Variants in MAP4K3 observed in about 807,000 individuals in gnomAD.
MAP4K3 encodes MAPK/ERK kinase kinase kinase 3.
A neutral mutation model predicts 143.5 loss-of-function variants in MAP4K3; 94 were observed. The ratio of observed to expected loss-of-function variants is 0.65; its 90% CI spans 0.55 to 0.78. The LOEUF is 0.78. Ranked by LOEUF, MAP4K3 falls within the 30% of genes least tolerant of loss-of-function variation. The pLI is 0.00. For missense variants in MAP4K3, 1,077 were observed against 1,068.1 expected (o/e 1.01, Z -0.12); for synonymous variants, 416 against 347.2 (o/e 1.20, Z -2.20).
intron 4 of MAP4K3, among the ~76,000 whole-genome samples, chr2:39,341,844 C>A (rs1199995869): frequency 6.6e-6 from 1 of 152,066 alleles, no homozygotes; most frequent in Non-Finnish European, 1.5e-5. Context: ...TTCATTTTCA[C>A]TGAATCTTTG....
At chr2:39,344,776 A>T (rs1445305131) in intron 3 of MAP4K3, among the ~76,000 whole-genome samples, 2 of 152,312 alleles carry the variant, frequency 1.3e-5, no homozygotes, top group African/African-American at 4.8e-5. Flanking sequence ...TAAAGTAGAA[A>T]TTTACCAGGG....
rs927126375 is a variant in MAP4K3, at chr2:39,262,963, G to A, written c.2137-2186C>T. Among the ~76,000 whole-genome samples the A allele has an allele frequency of 2.0e-5, 3 of 151,596 alleles. No homozygotes were observed. The South Asian group carries it at 6.3e-4, about 32-fold the overall frequency. ...CTACTAAAAATACAAAAATTAGCTG[G>A]GTGTCTGTAATCCCAGCTACTCGGG... On this transcript the variant is annotated intron_variant, in intron 28 of 33. Transcript: ENST00000263881.
At chr2:39,256,346 C>T (rs2148434142) in intron 31 of MAP4K3, among the ~76,000 whole-genome samples, 1 of 152,176 alleles carries the variant, frequency 6.6e-6, no homozygotes, top group East Asian at 1.9e-4. Context: ...TTATTTAGTT[C>T]TCCACTTTAA....
Position 39,348,848 on chromosome 2 carries a change from T to C in MAP4K3, c.246-5396A>G, listed in dbSNP as rs192530306. 4.1e-4 allele frequency among the ~76,000 whole-genome samples: 63 copies of C among 152,294 alleles called. 2 individuals are homozygous for C. The highest frequency in any genetic ancestry group is 2.7e-3 in the South Asian group (13 of 4,830). ...AGCTATTTTATGGTTCTGAAATTCT[T>C]ATAATTCCTAAAACACACTTTTTAA... On this transcript the variant is annotated intron_variant, in intron 3 of 33. Transcript: ENST00000263881.
intron 6 of MAP4K3, among the ~76,000 whole-genome samples, chr2:39,334,611 T>G (rs946920258): frequency 6.6e-6 from 1 of 152,146 alleles, no homozygotes; most frequent in African/African-American, 2.4e-5. Context: ...AAGACTTCTG[T>G]CAGAGGCTTC....
intron 21 of MAP4K3, among the ~76,000 whole-genome samples, chr2:39,284,927 G>A (rs771474894): frequency 1.3e-4 from 20 of 151,914 alleles, no homozygotes; most frequent in Non-Finnish European, 2.6e-4. Flanking sequence ...GTCTTGCTCT[G>A]TCACCCAGGC....
chr2:39,251,146 G>A (rs1192942837), intron 33 of MAP4K3, among the ~76,000 whole-genome samples: 1 of 152,198 alleles, frequency 6.6e-6, no homozygotes, highest in East Asian at 1.9e-4. Flanking sequence ...AAGAGTTGTA[G>A]TGGCCGTGTG....
intron 6 of MAP4K3, 31 bp from the exon 7 acceptor site, chr2:39,333,605 G>C: frequency 7.6e-7 from 1 of 1,312,752 alleles, no homozygotes; most frequent in Non-Finnish European, 1.1e-6. Context: ...AGTTAGAGTA[G>C]GAAATAGATA....
At chr2:39,251,653 G>C (rs1260007827) in intron 33 of MAP4K3, among the ~76,000 whole-genome samples, 177 bp downstream of exon 33, 8 of 152,154 alleles carry the variant, frequency 5.3e-5, no homozygotes, top group Admixed American at 4.6e-4. Context: ...CCTGTTACTT[G>C]GAAGATCAGG....
chr2:39,423,146 G>A (rs1664939841), intron 1 of MAP4K3, among the ~76,000 whole-genome samples: 1 of 152,082 alleles, frequency 6.6e-6, no homozygotes, highest in South Asian at 2.1e-4. Flanking sequence ...AATATATACA[G>A]ATAGCAAATA....
intron 12 of MAP4K3, 111 bp downstream of exon 12, chr2:39,325,407 T>C (rs1228361791): frequency 1.7e-6 from 1 of 603,614 alleles, no homozygotes; most frequent in African/African-American, 1.9e-5. Context: ...CTTTTTTATT[T>C]AAACTAGGCC....
At chr2:39,359,544 G>A (rs1325735481) in intron 2 of MAP4K3, among the ~76,000 whole-genome samples, 1 of 152,246 alleles carries the variant, frequency 6.6e-6, no homozygotes, top group Non-Finnish European at 1.5e-5. Flanking sequence ...AGGCAGTGCT[G>A]CAGTGGGAAC....
At chr2:39,273,554 C>T (rs112733468) in intron 24 of MAP4K3, among the ~76,000 whole-genome samples, 5,008 of 152,172 alleles carry the variant, frequency 0.033, 121 homozygotes, top group South Asian at 0.055. Flanking sequence ...AATGATGAAA[C>T]ACATCAAGGC....
chr2:39,402,798 C>A (rs1399434236), intron 1 of MAP4K3, among the ~76,000 whole-genome samples: 13 of 136,714 alleles, frequency 9.5e-5, no homozygotes, highest in South Asian at 2.3e-4. Context: ...AAAGACAGGC[C>A]AAAAAGAAAA....
intron 4 of MAP4K3, among the ~76,000 whole-genome samples, chr2:39,339,389 T>C (rs906732547): frequency 6.6e-6 from 1 of 152,132 alleles, no homozygotes; most frequent in African/African-American, 2.4e-5. Flanking sequence ...GAAAGACAAT[T>C]TTTTTTTCAG....
Position 39,299,751 on chromosome 2 carries a change from A to T in MAP4K3, c.1170T>A (p.Gly390=). The T allele has an allele frequency of 6.4e-7, 1 of 1,564,650 alleles. No homozygotes were observed. The highest frequency in any genetic ancestry group is 8.7e-7 in the Non-Finnish European group (1 of 1,155,624). Residue 390 remains glycine (G), a synonymous_variant, in exon 16 of 34, where the codon GGT becomes GGA. Transcript: ENST00000263881. ...GQGHQGGYFL[G]ANKSLLKSVE... is the part of the protein sequence containing the mutation. ...AAAAGAACTTTACTTACTTGTTTGC[A>T]CCTAAAAAGTAACCACCTTGGTGTC...
At chr2:39,308,652 T>C (rs1682806513) in intron 14 of MAP4K3, among the ~76,000 whole-genome samples, 1 of 152,210 alleles carries the variant, frequency 6.6e-6, no homozygotes, top group Admixed American at 6.5e-5. Context: ...TCTCATTTTT[T>C]TATTGTTCTA....
chr2:39,388,174 G>T (rs1666560665), intron 1 of MAP4K3, among the ~76,000 whole-genome samples: 1 of 152,170 alleles, frequency 6.6e-6, no homozygotes, highest in Non-Finnish European at 1.5e-5. Context: ...TAAGAGATCA[G>T]GTAACCAATT....
intron 2 of MAP4K3, among the ~76,000 whole-genome samples, chr2:39,362,469 C>A (rs1390040846): frequency 6.6e-6 from 1 of 152,062 alleles, no homozygotes; most frequent in Non-Finnish European, 1.5e-5. Flanking sequence ...ATCCCAATTG[C>A]AACAGCATCA....
Sources: gnomAD v4.1 joint callset for allele counts (sites outside exome capture counted in the v4.1 genomes callset) on GRCh38, gnomAD v4.1.1 for gene constraint, MANE v1.5 for transcripts, NCBI Gene and HGNC (gene_info 2026-07-23, HGNC 2026-07-21) for gene names.